Variants in DHODH observed in about 807,000 individuals in gnomAD.
DHODH encodes the protein dihydroorotate dehydrogenase (quinone).
DHODH carries 30 observed loss-of-function variants against 39.7 expected under a neutral mutation model. The ratio of observed to expected loss-of-function variants is 0.76; its 90% CI spans 0.57 to 1.02. The LOEUF is 1.02. Among genes scored for constraint, DHODH ranks in the 50% least tolerant of loss-of-function variants. DHODH has a pLI of 0.00. For synonymous variants in DHODH, 222 were observed against 213.8 expected, an observed-to-expected ratio of 1.04 and a Z score of -0.34; for missense variants, 531 against 520.8, an observed-to-expected ratio of 1.02 and a Z score of -0.19.
At position 72,023,383 on chromosome 16, in the gene DHODH, A is replaced by G. The variant is rs2288002; in HGVS notation, c.973+65A>G. ...GCTTGGGCTCCTGGGTCGTGATGGG[A>G]ATCATCATTCCCTAATCTGTCTTGA... On this transcript the variant is annotated intron_variant, in intron 7 of 8. Transcript: ENST00000219240. 0.57 allele frequency: 916,258 copies of G among 1,613,454 alleles called. 263,864 individuals are homozygous for G. Among genetic ancestry groups the G allele is most frequent in the South Asian group, 0.68 (61,949 of 91,040 alleles).
rs2041137717 is a variant in DHODH at position 72,015,987 on chromosome 16, A to G, written c.435-1037A>G. ...GGCTTAAACAACAGGCACATTTGAT[A>G]TTATTTTCTTCTCATAACAGGTGCA... is the stretch of plus-strand genomic sequence containing the variant. On this transcript the variant is annotated intron_variant, in intron 3 of 8. Transcript: ENST00000219240. The G allele has an allele frequency of 2.5e-5, 13 of 527,266 alleles. No individual in the cohort carries two copies. In the South Asian group the frequency reaches 8.3e-4, roughly 34 times the overall value. 32.7% of individuals were successfully genotyped at this position (527,266 alleles called of 1,614,324 possible). A position where few individuals can be genotyped will look rare whatever the true frequency, so the allele number is the denominator to read the frequency against.
At chr16:72,015,518 C>G (rs2041133034) in intron 3 of DHODH, 3 of 179,134 alleles carry the variant, frequency 1.7e-5, no homozygotes, top group Non-Finnish European at 2.2e-5. Context: ...TTTTGAAGAG[C>G]CTCCTTGGGG....
chr16:72,012,053 C>G lies in DHODH; in HGVS notation c.25C>G (p.Arg9Gly), dbSNP rs1008004964. 6.2e-7 allele frequency: 1 copy of G among 1,613,942 alleles called. No homozygotes were observed. The highest frequency in any genetic ancestry group is 1.7e-5 in the Admixed American group (1 of 60,018). Reference sequence around the variant, plus strand: ...CCTAATATGCTCTTTTTTGCAGAAGCGGGCCCAGGATGCTGTGATCATCCT... The same window carrying G: ...CCTAATATGCTCTTTTTTGCAGAAGGGGGCCCAGGATGCTGTGATCATCCT... MAWRHLKK[R>G]AQDAVIILGG... The change falls in exon 2 of 9, where the codon CGG (arginine) becomes GGG (glycine). Residue 9 changes from arginine (R) to glycine (G), a missense_variant. Physicochemically the swap from Arg to Gly is moderately radical, Grantham distance 125. Coordinates refer to ENST00000219240, the MANE Select transcript of DHODH (RefSeq NM_001361.5).
At chr16:72,009,472 C>G (rs1430209074) in intron 1 of DHODH, among the ~76,000 whole-genome samples, 1 of 129,182 alleles carries the variant, frequency 7.7e-6, no homozygotes, top group Non-Finnish European at 1.6e-5. Context: ...CACTGCAGTC[C>G]GCAGTCCGGC....
At chr16:72,009,840 TC>T (rs1163336305) in intron 1 of DHODH, among the ~76,000 whole-genome samples, 1 of 152,158 alleles carries the variant, frequency 6.6e-6, no homozygotes. Flanking sequence ...GGTCTCGAAC[TC>T]CTCACCTCGT....
chr16:72,008,823 G>C (rs1432706775), intron 1 of DHODH, 38 bp downstream of exon 1: 3 of 1,552,418 alleles, frequency 1.9e-6, no homozygotes, highest in Non-Finnish European at 2.6e-6. Flanking sequence ...TGGGGGACCA[G>C]GGACCGGGGA....
At position 72,009,096 on chromosome 16, in the gene DHODH, C is replaced by A. The variant is rs113000464; in HGVS notation, c.21+311C>A. On this transcript the variant is annotated intron_variant, in intron 1 of 8. Transcript: ENST00000219240. ...CACATGACCGCCTAGCGTTGTGTGC[C>A]GGATCCAACGGGGAATGAAACTAGA... 4,522 of 1,311,080 alleles carry A rather than the reference C, an allele frequency of 3.4e-3. 109 individuals carry two copies. The African/African-American group carries it at 0.053, about 15-fold the overall frequency. 81.2% of individuals were successfully genotyped at this position (1,311,080 alleles called of 1,614,324 possible).
At position 72,022,221 on chromosome 16, in the gene DHODH, G is replaced by A. The variant is rs2143999755; in HGVS notation, c.706-141G>A. On this transcript the variant is annotated intron_variant, in intron 5 of 8. Coordinates refer to ENST00000219240, the MANE Select transcript of DHODH (RefSeq NM_001361.5). ...CTCGACTGTACTCCTCACGTCTGAGGGCTGGCTTTCCTGAAAAGAAATTGT... is the reference window on the plus strand; with the variant it reads ...CTCGACTGTACTCCTCACGTCTGAGAGCTGGCTTTCCTGAAAAGAAATTGT... 5 of 685,638 alleles carry A rather than the reference G, an allele frequency of 7.3e-6. No homozygotes were observed. In the East Asian group the frequency reaches 8.3e-5, roughly 11 times the overall value. 42.5% of individuals were successfully genotyped at this position (685,638 alleles called of 1,614,324 possible). A position where few individuals can be genotyped will look rare whatever the true frequency, so the allele number is the denominator to read the frequency against.
chr16:72,020,361 A>ATATATATGTG (rs2041197016), intron 4 of DHODH: 1 of 69,414 alleles, frequency 1.4e-5, no homozygotes, highest in African/African-American at 6.0e-5. Flanking sequence ...ATATGTGTAT[A>ATATATATGTG]TATATATATA....
At chr16:72,014,434 A>G (rs1294569829) in intron 2 of DHODH, 39 bp from the exon 3 acceptor site, 2 of 1,580,412 alleles carry the variant, frequency 1.3e-6, no homozygotes, top group Non-Finnish European at 1.7e-6. Context: ...ATACCGGGAT[A>G]GCCTTAGCGT....
chr16:72,021,337 CCCTGTCCCACCAG>C (rs1265153549), intron 5 of DHODH, 26 bp downstream of exon 5: 3 of 1,576,824 alleles, frequency 1.9e-6, no homozygotes, highest in Non-Finnish European at 2.6e-6. Context: ...CCTCTCCAGG[CCCTGTCCCACCAG>C]CCTGTCCCAC....
chr16:72,008,813 T>G (rs750723546), intron 1 of DHODH, 28 bp downstream of exon 1: 1 of 1,552,450 alleles, frequency 6.4e-7, no homozygotes, highest in South Asian at 1.2e-5. Flanking sequence ...GCAGTGTGGA[T>G]GGGGGACCAG....
At chr16:72,015,172 T>C (rs1191655350) in intron 3 of DHODH, among the ~76,000 whole-genome samples, 1 of 152,256 alleles carries the variant, frequency 6.6e-6, no homozygotes, top group African/African-American at 2.4e-5. Flanking sequence ...AAAACGTATA[T>C]TTAAAACACC....
chr16:72,017,238 C>T (rs1327075223), intron 4 of DHODH, 132 bp downstream of exon 4: 1 of 904,884 alleles, frequency 1.1e-6, no homozygotes, highest in Non-Finnish European at 1.8e-6. Context: ...CAGGACACCT[C>T]TCCTAGAGCG....
At position 72,026,067 on chromosome 16, in the gene DHODH, A is replaced by G. The variant is rs1184468494; in HGVS notation, c.*1868A>G. 2 of 152,280 alleles carry G rather than the reference A, an allele frequency of 1.3e-5. No homozygotes were observed. Among genetic ancestry groups the G allele is most frequent in the African/African-American group, 4.8e-5 (2 of 41,456 alleles). 9.4% of individuals were successfully genotyped at this position (152,280 alleles called of 1,614,324 possible). A position where few individuals can be genotyped will look rare whatever the true frequency, so the allele number is the denominator to read the frequency against. ...CGGATTCGTTCCTTACTCCAGGAAGAGCAGTGCACTGAAGGAGAAATGGGA... is the reference window on the plus strand; with the variant it reads ...CGGATTCGTTCCTTACTCCAGGAAGGGCAGTGCACTGAAGGAGAAATGGGA... On this transcript the variant is annotated 3_prime_UTR_variant, in exon 9 of 9. Coordinates refer to ENST00000219240, the MANE Select transcript of DHODH (RefSeq NM_001361.5).
At position 72,020,755 on chromosome 16, in the gene DHODH, T is replaced by G. The variant is rs943312140; in HGVS notation, c.518-369T>G. 2.0e-5 allele frequency among the ~76,000 whole-genome samples: 3 copies of G among 151,912 alleles called. No individual in the cohort carries two copies. In the South Asian group the frequency reaches 6.2e-4, roughly 32 times the overall value. On this transcript the variant is annotated intron_variant, in intron 4 of 8. Coordinates refer to ENST00000219240, the MANE Select transcript of DHODH (RefSeq NM_001361.5). ...CAACAAGCATTCCTTGAGGTGAGAG[T>G]TGCGGGCCTGATGTGCCTACTGAGT...
At chr16:72,009,509 C>CAA (rs56347696) in intron 1 of DHODH, among the ~76,000 whole-genome samples, 18 of 48,132 alleles carry the variant, frequency 3.7e-4, no homozygotes, top group Admixed American at 9.9e-4. Flanking sequence ...GACTCCGTCT[C>CAA]AAAAAAAAAA....
chr16:72,014,843 C>T (rs2041123918), intron 3 of DHODH, among the ~76,000 whole-genome samples, 171 bp downstream of exon 3: 1 of 152,202 alleles, frequency 6.6e-6, no homozygotes, highest in East Asian at 1.9e-4. Flanking sequence ...AGGCATCTAT[C>T]TTGAAAAGCA....
In DHODH at chr16:72,023,094, G is replaced by T. The variant is rs890604173; in HGVS notation, c.820-71G>T. ...GGTACCTGGCCCGGCTGCTGCCTTC[G>T]ACCTCCAGAGAAGCGCCTCTGGGTC... On this transcript the variant is annotated intron_variant, in intron 6 of 8. Coordinates refer to ENST00000219240, the MANE Select transcript of DHODH (RefSeq NM_001361.5). 6 of 1,569,602 alleles carry T rather than the reference G, an allele frequency of 3.8e-6. No homozygotes were observed. The East Asian group carries it at 1.1e-4, about 29-fold the overall frequency.
Sources: allele counts gnomAD v4.1 joint callset (sites outside exome capture counted in the v4.1 genomes callset), GRCh38; gene constraint gnomAD v4.1.1; transcripts MANE v1.5; gene names NCBI Gene and HGNC (gene_info 2026-07-23, HGNC 2026-07-21).